The following EIF4G3 variants were observed in gnomAD, a reference collection of about 807,000 sequenced individuals.
EIF4G3 encodes the protein eukaryotic translation initiation factor 4 gamma 3, also known as eIF-4-gamma 3.
EIF4G3 carries 34 observed loss-of-function variants against 186.4 expected under a neutral mutation model. The observed-to-expected ratio is 0.18, with a 90% CI of 0.14 to 0.24. EIF4G3 has a LOEUF of 0.24. Ranked by LOEUF, EIF4G3 falls within the 10% of genes least tolerant of loss-of-function variation. The pLI is 1.00. For synonymous variants in EIF4G3, 673 were observed against 679.5 expected, an observed-to-expected ratio of 0.99 and a Z score of 0.15; for missense variants, 1,536 against 1,948.5, an observed-to-expected ratio of 0.79 and a Z score of 3.99.
Position 20,982,296 on chromosome 1 carries a change from T to C in EIF4G3, c.198+92A>G, listed in dbSNP as rs978173375. 6.9e-5 allele frequency: 60 copies of C among 865,642 alleles called. No homozygotes were observed. In the Middle Eastern group the frequency reaches 2.0e-3, roughly 29 times the overall value. 53.6% of individuals were successfully genotyped at this position (865,642 alleles called of 1,614,324 possible). A position where few individuals can be genotyped will look rare whatever the true frequency, so the allele number is the denominator to read the frequency against. On this transcript the variant is annotated intron_variant, in intron 8 of 36. Transcript: ENST00000602326. ...CAATATACCAATAGTAAATTTCCAATGTGAATGTATCCATTCATTAGCAAT... is the reference window on the plus strand; with the variant it reads ...CAATATACCAATAGTAAATTTCCAACGTGAATGTATCCATTCATTAGCAAT...
intron 6 of EIF4G3, chr1:20,999,823 TAG>T: frequency 2.6e-6 from 1 of 390,326 alleles, no homozygotes; most frequent in Non-Finnish European, 5.0e-6. Context: ...ATATTAAAAC[TAG>T]AAATTTTTCT....
intron 19 of EIF4G3, among the ~76,000 whole-genome samples, chr1:20,882,659 T>G (rs2082771210): frequency 6.6e-6 from 1 of 151,528 alleles, no homozygotes; most frequent in African/African-American, 2.4e-5. Context: ...ATTAACAAAT[T>G]AGCCAGGTAT....
At chr1:21,110,748 G>A (rs1572704489) in intron 2 of EIF4G3, among the ~76,000 whole-genome samples, 1 of 151,728 alleles carries the variant, frequency 6.6e-6, no homozygotes, top group South Asian at 2.1e-4. Flanking sequence ...TGTATTTTTA[G>A]TAGAGACAGG....
intron 33 of EIF4G3, among the ~76,000 whole-genome samples, chr1:20,819,415 CT>C (rs1170691787): frequency 1.3e-5 from 2 of 148,800 alleles, no homozygotes; most frequent in Admixed American, 6.7e-5. Context: ...CCTCCGATTG[CT>C]TTTTTTTTCT....
chr1:21,176,674 CA>C lies in EIF4G3; in HGVS notation c.-456+47del, dbSNP rs536237705. On this transcript the variant is annotated intron_variant, in intron 1 of 36. Coordinates refer to ENST00000602326, the MANE Select transcript of EIF4G3 (RefSeq NM_001391906.1). ...GCCGGTCTCCGTGACAACGCGACCCCAGGGGGGGGGCCGGACCCGGCGGGGG... is the reference window on the plus strand; with the variant it reads ...GCCGGTCTCCGTGACAACGCGACCCCGGGGGGGGGCCGGACCCGGCGGGGG... The C allele has an allele frequency of 3.2e-3, 1,809 of 567,900 alleles. 4 individuals are homozygous for C. Among genetic ancestry groups the C allele is most frequent in the South Asian group, 3.8e-3 (210 of 55,404 alleles). The allele number at this position is 567,900 out of a possible 1,614,324, so 35.2% of individuals were successfully genotyped here. A position where few individuals can be genotyped will look rare whatever the true frequency, so the allele number is the denominator to read the frequency against.
intron 11 of EIF4G3, 104 bp downstream of exon 11, chr1:20,972,898 G>T: frequency 1.1e-6 from 1 of 872,634 alleles, no homozygotes; most frequent in Non-Finnish European, 1.7e-6. Context: ...AAAAAAAAAG[G>T]CACAGTAATT....
chr1:21,006,976 C>G (rs756721135), intron 4 of EIF4G3, among the ~76,000 whole-genome samples: 5 of 152,132 alleles, frequency 3.3e-5, no homozygotes, highest in Non-Finnish European at 5.9e-5. Flanking sequence ...GATGAAATGC[C>G]ATTTCTCGTT....
chr1:21,104,123 C>T (rs1377331854), intron 2 of EIF4G3, among the ~76,000 whole-genome samples: 1 of 152,186 alleles, frequency 6.6e-6, no homozygotes, highest in Non-Finnish European at 1.5e-5. Context: ...ATGCCGGCTA[C>T]ATGACATTCA....
chr1:21,103,132 G>C (rs1489441170), intron 2 of EIF4G3, among the ~76,000 whole-genome samples: 1 of 152,066 alleles, frequency 6.6e-6, no homozygotes, highest in Non-Finnish European at 1.5e-5. Context: ...TATAAGCATT[G>C]GTGTGATTTG....
At chr1:20,814,845 C>T (rs1316428846) in intron 34 of EIF4G3, among the ~76,000 whole-genome samples, 2 of 121,790 alleles carry the variant, frequency 1.6e-5, no homozygotes, top group Non-Finnish European at 3.4e-5. Flanking sequence ...CAAAGCTGGA[C>T]GGTACTGCTG....
intron 2 of EIF4G3, among the ~76,000 whole-genome samples, chr1:21,159,997 T>C (rs1195448388): frequency 6.6e-6 from 1 of 151,562 alleles, no homozygotes; most frequent in Non-Finnish European, 1.5e-5. Flanking sequence ...TCCCAGCTAC[T>C]CAGGAGGCTG....
At chr1:20,905,994 C>T (rs955643094) in intron 14 of EIF4G3, among the ~76,000 whole-genome samples, 1 of 152,148 alleles carries the variant, frequency 6.6e-6, no homozygotes, top group Non-Finnish European at 1.5e-5. Context: ...GTGGAACACA[C>T]ACTTTTTGGG....
intron 3 of EIF4G3, among the ~76,000 whole-genome samples, chr1:21,053,564 C>A (rs1177874090): frequency 6.8e-6 from 1 of 145,994 alleles, no homozygotes; most frequent in Non-Finnish European, 1.5e-5. Context: ...GCCCCCCGCC[C>A]GGCCAGCCGC....
intron 19 of EIF4G3, among the ~76,000 whole-genome samples, chr1:20,880,631 AT>A (rs2082051329): frequency 6.6e-6 from 1 of 152,126 alleles, no homozygotes; most frequent in South Asian, 2.1e-4. Flanking sequence ...CATGCCTGTA[AT>A]CCCAGCTACT....
chr1:20,932,272 A>G (rs1041199146), intron 14 of EIF4G3, among the ~76,000 whole-genome samples: 107 of 152,310 alleles, frequency 7.0e-4, no homozygotes, highest in African/African-American at 2.2e-3. Context: ...ACTTAAGGGA[A>G]TGTTGTGGCT....
chr1:20,902,927 C>CA (rs1306489070), intron 15 of EIF4G3, among the ~76,000 whole-genome samples: 1 of 152,198 alleles, frequency 6.6e-6, no homozygotes, highest in African/African-American at 2.4e-5. Flanking sequence ...AGGCATGAGC[C>CA]ACTGCGCCCA....
At chr1:21,149,341 C>CT (rs1281601512) in intron 2 of EIF4G3, among the ~76,000 whole-genome samples, 6 of 151,082 alleles carry the variant, frequency 4.0e-5, no homozygotes, top group South Asian at 2.1e-4. Context: ...AACTGTTATT[C>CT]TTTTTTTTTC....
intron 34 of EIF4G3, among the ~76,000 whole-genome samples, chr1:20,816,403 T>G (rs1204939751): frequency 1.9e-5 from 2 of 103,154 alleles, no homozygotes; most frequent in Admixed American, 9.5e-5. Context: ...GGCCGCCCCG[T>G]CCGGGAGGTG....
intron 2 of EIF4G3, among the ~76,000 whole-genome samples, chr1:21,153,411 T>C (rs939499192): frequency 6.6e-6 from 1 of 152,234 alleles, no homozygotes; most frequent in Non-Finnish European, 1.5e-5. Context: ...AGTTAAAAGA[T>C]TTCCATAATC....
Sources: allele counts gnomAD v4.1 joint callset (sites outside exome capture counted in the v4.1 genomes callset), GRCh38; gene constraint gnomAD v4.1.1; transcripts MANE v1.5; gene names NCBI Gene and HGNC (gene_info 2026-07-23, HGNC 2026-07-21).